The following DNAH7 variants were observed in gnomAD, a reference collection of about 807,000 sequenced individuals.
DNAH7 encodes the protein axonemal beta dynein heavy chain 7.
DNAH7 carries 397 observed loss-of-function variants against 444.6 expected under a neutral mutation model. The ratio of observed to expected loss-of-function variants is 0.89; its 90% CI spans 0.82 to 0.97. DNAH7 has a LOEUF of 0.97. Ranked by LOEUF, DNAH7 falls within the 50% of genes least tolerant of loss-of-function variation. DNAH7 has a pLI of 0.00. For synonymous variants in DNAH7, 1,636 were observed against 1,624.4 expected, an observed-to-expected ratio of 1.01 and a Z score of -0.17; for missense variants, 4,902 against 4,800.8, an observed-to-expected ratio of 1.02 and a Z score of -0.62.
intron 51 of DNAH7, among the ~76,000 whole-genome samples, chr2:195,815,744 T>C (rs1697186945): frequency 6.6e-6 from 1 of 152,184 alleles, no homozygotes; most frequent in Non-Finnish European, 1.5e-5. Flanking sequence ...GGCTCACGCC[T>C]GTAATCCCAG....
At chr2:195,876,414 C>A (rs1468521490) in intron 37 of DNAH7, 130 bp downstream of exon 37, 3 of 875,646 alleles carry the variant, frequency 3.4e-6, no homozygotes, top group Non-Finnish European at 5.2e-6. Context: ...TTTAGGAGAA[C>A]CTTTTAATCC....
chr2:195,985,903 T>C (rs560457241), intron 14 of DNAH7, among the ~76,000 whole-genome samples: 3 of 152,288 alleles, frequency 2.0e-5, no homozygotes, highest in East Asian at 3.9e-4. Context: ...AGTACCTTCA[T>C]CCCCAGCCTT....
At chr2:195,777,093 G>A (rs965832574) in intron 59 of DNAH7, among the ~76,000 whole-genome samples, 7 of 152,130 alleles carry the variant, frequency 4.6e-5, no homozygotes, top group African/African-American at 1.7e-4. Flanking sequence ...ATGAGGTTAG[G>A]GTTGGGGGGT....
At chr2:195,825,265 A>T (rs1697679466) in intron 48 of DNAH7, among the ~76,000 whole-genome samples, 1 of 108,914 alleles carries the variant, frequency 9.2e-6, no homozygotes, top group Admixed American at 8.5e-5. Flanking sequence ...CTCAAACATA[A>T]ATAAGGAAAA....
chr2:196,066,454 G>C (rs953396168), intron 1 of DNAH7, among the ~76,000 whole-genome samples: 2 of 152,130 alleles, frequency 1.3e-5, no homozygotes, highest in Non-Finnish European at 2.9e-5. Flanking sequence ...ACTAGAAAAA[G>C]TGCTGGGGTA....
rs565024924 is a variant in DNAH7 at position 195,958,325 on chromosome 2, T to C, written c.2892-878A>G. On this transcript the variant is annotated intron_variant, in intron 18 of 64. Transcript: ENST00000312428. ...ATGAATAGTAAATATATTTTTCTCA[T>C]GATTTTCTTAATAACATTTTCTTTT... 9.2e-5 allele frequency among the ~76,000 whole-genome samples: 14 copies of C among 152,330 alleles called. 1 individual carries two copies. The South Asian group carries it at 2.3e-3, about 25-fold the overall frequency.
At chr2:195,870,594 AAGGTG>A (rs1256812509) in intron 40 of DNAH7, among the ~76,000 whole-genome samples, 3 of 152,178 alleles carry the variant, frequency 2.0e-5, no homozygotes, top group Non-Finnish European at 4.4e-5. Context: ...CCTCACCCCC[AAGGTG>A]ATAGTATTGC....
At chr2:195,852,947 G>C (rs891317522) in intron 46 of DNAH7, among the ~76,000 whole-genome samples, 1 of 147,582 alleles carries the variant, frequency 6.8e-6, no homozygotes, top group Non-Finnish European at 1.5e-5. Context: ...GAGAGAGAGA[G>C]ACAGAGTTCT....
chr2:195,933,718 G>A (rs1688855280), intron 21 of DNAH7, among the ~76,000 whole-genome samples: 1 of 133,986 alleles, frequency 7.5e-6, no homozygotes, highest in Admixed American at 8.8e-5. Flanking sequence ...ATGGACACAG[G>A]AAGGGGAACA....
rs781116296 is a variant in DNAH7, at chr2:195,888,334, A to G, written c.5330T>C (p.Ile1777Thr). ...VNLLPASVSVIQKEFIMGLFD... is the reference protein window; with the variant it reads ...VNLLPASVSVTQKEFIMGLFD... ...TAAGCCCATTATGAATTCCTTTTGA[A>G]TAACACTGACTGACGCAGGTAACAG... The change falls in exon 33 of 65, where the codon ATT becomes ACT. Residue 1777 changes from isoleucine to threonine, a missense_variant. Physicochemically the swap from Ile to Thr is moderately conservative, Grantham distance 89 (BLOSUM62 -1). Coordinates refer to ENST00000312428, the MANE Select transcript of DNAH7 (RefSeq NM_018897.3). 7.4e-6 allele frequency: 12 copies of G among 1,611,418 alleles called. No homozygotes were observed. In the South Asian group the frequency reaches 1.2e-4, roughly 16 times the overall value.
At chr2:196,020,919 C>A (rs1226720673) in intron 8 of DNAH7, among the ~76,000 whole-genome samples, 2 of 151,868 alleles carry the variant, frequency 1.3e-5, no homozygotes, top group Non-Finnish European at 2.9e-5. Context: ...GCCTTTGGGG[C>A]ATTTTAAAAT....
intron 8 of DNAH7, among the ~76,000 whole-genome samples, chr2:196,022,703 G>T (rs188331461): frequency 3.9e-4 from 60 of 152,266 alleles, no homozygotes; most frequent in African/African-American, 1.4e-3. Context: ...AAAGTCATCC[G>T]TAAGGGTTGA....
At chr2:195,983,588 CA>C (rs1322996932) in intron 15 of DNAH7, among the ~76,000 whole-genome samples, 3 of 152,124 alleles carry the variant, frequency 2.0e-5, no homozygotes, top group African/African-American at 4.8e-5. Flanking sequence ...AGGGATCCAC[CA>C]AAAACCTCCT....
chr2:195,763,512 A>C (rs1442379308), intron 61 of DNAH7, among the ~76,000 whole-genome samples: 2 of 152,050 alleles, frequency 1.3e-5, no homozygotes, highest in African/African-American at 4.8e-5. Flanking sequence ...AGAAGACCCA[A>C]ATAAATAAAA....
At chr2:195,969,761 T>C (rs1691718600) in intron 17 of DNAH7, among the ~76,000 whole-genome samples, 187 bp downstream of exon 17, 1 of 152,324 alleles carries the variant, frequency 6.6e-6, no homozygotes, top group African/African-American at 2.4e-5. Context: ...TCACTACCAA[T>C]AGAAAACAGC....
At chr2:195,936,840 ACT>A (rs929170437) in intron 19 of DNAH7, 48 bp from the exon 20 acceptor site, 21 of 1,266,124 alleles carry the variant, frequency 1.7e-5, no homozygotes, top group African/African-American at 3.1e-5. Flanking sequence ...TTAGATACTA[ACT>A]CTATTTATAT....
intron 5 of DNAH7, among the ~76,000 whole-genome samples, chr2:196,028,487 T>C (rs1361432150): frequency 6.6e-6 from 1 of 152,244 alleles, no homozygotes; most frequent in Non-Finnish European, 1.5e-5. Flanking sequence ...AGGCCATTTC[T>C]CAGATTTCTA....
chr2:195,793,534 A>G (rs1250598897), intron 57 of DNAH7, among the ~76,000 whole-genome samples: 2 of 152,184 alleles, frequency 1.3e-5, no homozygotes, highest in East Asian at 3.9e-4. Context: ...CTCTGGCCCT[A>G]ATCAATACAA....
chr2:195,815,134 T>G (rs1458546417), intron 51 of DNAH7, among the ~76,000 whole-genome samples: 1 of 151,922 alleles, frequency 6.6e-6, no homozygotes, highest in Admixed American at 6.6e-5. Flanking sequence ...TAACTTATAA[T>G]GCAAATAGCT....
Sources: gnomAD v4.1 joint callset for allele counts (sites outside exome capture counted in the v4.1 genomes callset) on GRCh38, gnomAD v4.1.1 for gene constraint, MANE v1.5 for transcripts, NCBI Gene and HGNC (gene_info 2026-07-23, HGNC 2026-07-21) for gene names.